MFSD6: variants seen among roughly 807,000 people sequenced by gnomAD.
MFSD6 encodes major facilitator superfamily domain containing 6.
Under a neutral mutation model 56.3 loss-of-function variants are expected in MFSD6, and 26 were observed. That is an observed-to-expected ratio of 0.46 (90% CI 0.34 to 0.64). MFSD6 has a LOEUF of 0.64. MFSD6 is among the 30% of genes least tolerant of loss of function. The probability of loss-of-function intolerance (pLI) is 0.01; values close to 1 mark genes in which losing one functional copy is unlikely to be tolerated. For missense variants in MFSD6, 750 were observed against 986.2 expected, an observed-to-expected ratio of 0.76 and a Z score of 3.21; for synonymous variants, 331 against 366.9, an observed-to-expected ratio of 0.90 and a Z score of 1.12.
chr2:190,409,515 C>G (rs1690466272), intron 1 of MFSD6, among the ~76,000 whole-genome samples: 1 of 152,056 alleles, frequency 6.6e-6, no homozygotes, highest in Non-Finnish European at 1.5e-5. Context: ...TTCCTGAGCC[C>G]CAGTTTTCTC....
chr2:190,415,185 G>A lies in MFSD6; in HGVS notation c.-175-107G>A, dbSNP rs1337216537. On this transcript the variant is annotated intron_variant, in intron 1 of 7. Transcript: ENST00000392328. This position sits in a 1 kb window ranked among gnomAD's most constrained non-coding sequence, Gnocchi z 4.5. ...GTTTTTACTCTCAGTGAATGACAAT[G>A]CCTGTCAATTCTCATACTCACCAGC... The A allele has an allele frequency of 6.6e-6, 1 of 152,108 alleles. No individual in the cohort carries two copies. Among genetic ancestry groups the A allele is most frequent in the African/African-American group, 2.4e-5 (1 of 41,404 alleles). The allele number at this position is 152,108 out of a possible 1,614,324, so 9.4% of individuals were successfully genotyped here. A position where few individuals can be genotyped will look rare whatever the true frequency, so the allele number is the denominator to read the frequency against.
At position 190,451,695 on chromosome 2, in the gene MFSD6, C is replaced by T. The variant is rs1686779761; in HGVS notation, c.1532+14134C>T. Among the ~76,000 whole-genome samples, 1 of 152,168 alleles carries T rather than the reference C, an allele frequency of 6.6e-6. No homozygotes were observed. The highest frequency in any genetic ancestry group is 1.5e-5 in the Non-Finnish European group (1 of 68,040). ...TGAGCAGAGTCCTGAATGGAAGCCC[C>T]CAGTGAAGATCTTGGGGACAGAGAA... On this transcript the variant is annotated intron_variant, in intron 3 of 7. Coordinates refer to ENST00000392328, the MANE Select transcript of MFSD6 (RefSeq NM_017694.4). This position sits in a 1 kb window ranked among gnomAD's most constrained non-coding sequence, Gnocchi z 5.0.
chr2:190,411,460 CAG>C (rs1690564191), intron 1 of MFSD6: 1 of 985,122 alleles, frequency 1.0e-6, no homozygotes, highest in Non-Finnish European at 1.2e-6. Context: ...GCCCAGCCGA[CAG>C]TGGCTATCTT....
In MFSD6 at chr2:190,488,219, C is replaced by G. The variant is rs1172776004; in HGVS notation, c.1631-438C>G. On this transcript the variant is annotated intron_variant, in intron 4 of 7. Coordinates refer to ENST00000392328, the MANE Select transcript of MFSD6 (RefSeq NM_017694.4). This position sits in a 1 kb window ranked among gnomAD's most constrained non-coding sequence, Gnocchi z 6.4. ...CCCAGCCACTCAAAAGAATTTAAAT[C>G]AAAGACTCAGATACTTGCATACCAG... Among the ~76,000 whole-genome samples the G allele has an allele frequency of 1.3e-5, 2 of 152,098 alleles. No individual in the cohort carries two copies. Among genetic ancestry groups the G allele is most frequent in the Non-Finnish European group, 2.9e-5 (2 of 67,998 alleles).
At chr2:190,445,153 A>C (rs1686525578) in intron 3 of MFSD6, among the ~76,000 whole-genome samples, 1 of 152,128 alleles carries the variant, frequency 6.6e-6, no homozygotes, top group Admixed American at 6.6e-5. Flanking sequence ...GCTGAGTCTC[A>C]GTTTTATTCA....
At chr2:190,420,414 T>C (rs764357976) in intron 2 of MFSD6, among the ~76,000 whole-genome samples, 51 of 152,110 alleles carry the variant, frequency 3.4e-4, no homozygotes, top group Non-Finnish European at 6.5e-4. Context: ...TCCTATCTCA[T>C]GACCTCTTCT....
chr2:190,484,798 A>G (rs1688917686), intron 4 of MFSD6, among the ~76,000 whole-genome samples: 1 of 152,220 alleles, frequency 6.6e-6, no homozygotes, highest in Non-Finnish European at 1.5e-5. Context: ...TTCTTCACTT[A>G]TACGATATCT....
rs1685971964 is a variant in MFSD6 at position 190,431,030 on chromosome 2, TCGCGGCCGGGCAGAGGCGCTCCTCACCTC to T, written c.-53-4945_-53-4917del. Among the ~76,000 whole-genome samples the T allele has an allele frequency of 1.0e-5, 1 of 99,402 alleles. No individual in the cohort carries two copies. Among genetic ancestry groups the T allele is most frequent in the Non-Finnish European group, 2.3e-5 (1 of 43,358 alleles). The allele number at this position is 99,402 out of a possible 152,430, so 65.2% of individuals were successfully genotyped here. A position where few individuals can be genotyped will look rare whatever the true frequency, so the allele number is the denominator to read the frequency against. On this transcript the variant is annotated intron_variant, in intron 2 of 7. Transcript: ENST00000392328. The surrounding 1 kb of genome is among the most constrained non-coding windows in gnomAD (Gnocchi z 4.4). ...GACGCTCCTCACCTCCCAGACGGGG[TCGCGGCCGGGCAGAGGCGCTCCTCACCTC>T]CCAGACGGGGTCGCAGCCGGGCAGA...
At chr2:190,435,676 A>G (rs3811607) in intron 2 of MFSD6, among the ~76,000 whole-genome samples, 69,958 of 152,092 alleles carry the variant, frequency 0.46, 16,459 homozygotes, top group Admixed American at 0.6. Context: ...TGGTTTAGAC[A>G]TAATCCCTAT....
At position 190,416,983 on chromosome 2, in the gene MFSD6, CA is replaced by C. The variant is rs1039590849; in HGVS notation, c.-54+1571del. On this transcript the variant is annotated intron_variant, in intron 2 of 7. Transcript: ENST00000392328. This position sits in a 1 kb window ranked among gnomAD's most constrained non-coding sequence, Gnocchi z 4.1. Reference sequence around the variant, plus strand: ...CAAAATAAACAGTATTGAGAGCTTACAGGGGTAAAGGGCAATATGTTATGTT... The same window carrying C: ...CAAAATAAACAGTATTGAGAGCTTACGGGGTAAAGGGCAATATGTTATGTT... Among the ~76,000 whole-genome samples, 9 of 152,046 alleles carry C rather than the reference CA, an allele frequency of 5.9e-5. No individual in the cohort carries two copies. Among genetic ancestry groups the C allele is most frequent in the African/African-American group, 2.2e-4 (9 of 41,472 alleles).
In MFSD6 at chr2:190,446,886, A is replaced by G. The variant is rs546003545; in HGVS notation, c.1532+9325A>G. Among the ~76,000 whole-genome samples, 6 of 152,268 alleles carry G rather than the reference A, an allele frequency of 3.9e-5. No homozygotes were observed. In the South Asian group the frequency reaches 8.3e-4, roughly 21 times the overall value. ...ACTGATTCTATTTTAGAACAGGCCA[A>G]ATTTCAGGGGTGAGGGACTTAGGGA... On this transcript the variant is annotated intron_variant, in intron 3 of 7. Coordinates refer to ENST00000392328, the MANE Select transcript of MFSD6 (RefSeq NM_017694.4).
At position 190,501,774 on chromosome 2, in the gene MFSD6, C is replaced by T. The variant is rs1461151055; in HGVS notation, c.*1556C>T. 6.6e-6 allele frequency: 1 copy of T among 152,594 alleles called. No individual in the cohort carries two copies. The highest frequency in any genetic ancestry group is 1.5e-5 in the Non-Finnish European group (1 of 68,042). 9.5% of individuals were successfully genotyped at this position (152,594 alleles called of 1,614,324 possible). A position where few individuals can be genotyped will look rare whatever the true frequency, so the allele number is the denominator to read the frequency against. On this transcript the variant is annotated 3_prime_UTR_variant, in exon 8 of 8. Coordinates refer to ENST00000392328, the MANE Select transcript of MFSD6 (RefSeq NM_017694.4). The stretch of plus-strand genomic sequence containing the variant: ...TAAAATAACTGAAAGAAATAGAATT[C>T]AGCAAATAGTTATTTTTTGCACTTG...
At chr2:190,441,815 C>CTT (rs1686389987) in intron 3 of MFSD6, among the ~76,000 whole-genome samples, 1 of 152,102 alleles carries the variant, frequency 6.6e-6, no homozygotes, top group African/African-American at 2.4e-5. Context: ...AACATTCTCT[C>CTT]CTCTCTTTAT....
intron 3 of MFSD6, among the ~76,000 whole-genome samples, chr2:190,452,017 A>G (rs1686788526): frequency 6.6e-6 from 1 of 151,990 alleles, no homozygotes; most frequent in African/African-American, 2.4e-5. Context: ...TCATCAGCTG[A>G]TGATTCATGT....
chr2:190,465,002 A>G lies in MFSD6; in HGVS notation c.1533-4756A>G. 1 of 685,620 alleles carries G rather than the reference A, an allele frequency of 1.5e-6. No homozygotes were observed. The highest frequency in any genetic ancestry group is 1.9e-5 in the African/African-American group (1 of 51,952). The allele number at this position is 685,620 out of a possible 1,614,324, so 42.5% of individuals were successfully genotyped here. A position where few individuals can be genotyped will look rare whatever the true frequency, so the allele number is the denominator to read the frequency against. ...TAACTACACTGTTAGGAATTACAGA[A>G]TGACTCATAATTCATTGTATCTATA... On this transcript the variant is annotated intron_variant, in intron 3 of 7. Transcript: ENST00000392328. The surrounding 1 kb of genome is among the most constrained non-coding windows in gnomAD (Gnocchi z 4.6).
intron 1 of MFSD6, 77 bp downstream of exon 1, chr2:190,408,580 G>C (rs1442006608): frequency 1.3e-5 from 2 of 151,920 alleles, no homozygotes; most frequent in Admixed American, 6.6e-5. Flanking sequence ...GGCCCAGCCG[G>C]AGGGCGGGTA....
intron 3 of MFSD6, among the ~76,000 whole-genome samples, chr2:190,468,671 C>T (rs1312072742): frequency 2.0e-5 from 3 of 147,368 alleles, no homozygotes; most frequent in Admixed American, 6.9e-5. Flanking sequence ...GTTGCCCAGG[C>T]TGGTCTTGAA....
Position 190,457,755 on chromosome 2 carries a change from G to C in MFSD6, c.1533-12003G>C, listed in dbSNP as rs148467069. Among the ~76,000 whole-genome samples the C allele has an allele frequency of 4.8e-4, 73 of 152,260 alleles. 1 individual carries two copies. Among genetic ancestry groups the C allele is most frequent in the African/African-American group, 1.7e-3 (71 of 41,534 alleles). Reference sequence around the variant, plus strand: ...CTTGTTTAATCTTTTCAAAACTCTAGTATAACCAAAGCAGTTATGACCACT... The same window carrying C: ...CTTGTTTAATCTTTTCAAAACTCTACTATAACCAAAGCAGTTATGACCACT... On this transcript the variant is annotated intron_variant, in intron 3 of 7. Coordinates refer to ENST00000392328, the MANE Select transcript of MFSD6 (RefSeq NM_017694.4). This position sits in a 1 kb window ranked among gnomAD's most constrained non-coding sequence, Gnocchi z 5.1.
chr2:190,490,335 G>A lies in MFSD6; in HGVS notation c.1891+469G>A, dbSNP rs1439900128. Among the ~76,000 whole-genome samples the A allele has an allele frequency of 3.3e-5, 5 of 151,326 alleles. No homozygotes were observed. The highest frequency in any genetic ancestry group is 7.3e-5 in the African/African-American group (3 of 41,190). On this transcript the variant is annotated intron_variant, in intron 6 of 7. Coordinates refer to ENST00000392328, the MANE Select transcript of MFSD6 (RefSeq NM_017694.4). This position sits in a 1 kb window ranked among gnomAD's most constrained non-coding sequence, Gnocchi z 4.5. ...TCCCAACACTTTGGGAGGCCGAGGC[G>A]GGTGGATCACGAGGTTAGGAGATCA...
Sources: gnomAD v4.1 joint callset for allele counts (sites outside exome capture counted in the v4.1 genomes callset) on GRCh38, gnomAD v4.1.1 for gene constraint, Gnocchi (gnomAD v3.1) non-coding constraint, MANE v1.5 for transcripts, NCBI Gene and HGNC (gene_info 2026-07-23, HGNC 2026-07-21) for gene names.